Variants in RTL4 observed in about 807,000 individuals in gnomAD.
RTL4 encodes the protein retrotransposon Gag-like protein 4.
A neutral mutation model predicts 5.3 loss-of-function variants in RTL4; 4 were observed. The observed-to-expected ratio is 0.75, with a 90% CI of 0.37 to 1.72. RTL4 has a LOEUF of 1.72. Among genes scored for constraint, RTL4 ranks in the 40% most tolerant of loss-of-function variants. The pLI is 0.04. For missense variants in RTL4, 260 were observed against 227.1 expected (o/e 1.14, Z -0.93); for synonymous variants, 98 against 87.3 (o/e 1.12, Z -0.68).
chrX:112,217,904 C>A, the RTL4 span, among the ~76,000 whole-genome samples: 1 of 110,778 alleles, frequency 9.0e-6, no homozygotes, highest in Non-Finnish European at 1.9e-5. Context: ...AAATGGAAAT[C>A]AAAAAGATAA....
At chrX:112,376,820 G>A in the RTL4 span, among the ~76,000 whole-genome samples, 1 of 112,233 alleles carries the variant, frequency 8.9e-6, no homozygotes, top group Non-Finnish European at 1.9e-5. Context: ...TTTGCATTCG[G>A]TTGAACACAG....
chrX:112,414,663 C>T, the RTL4 span, among the ~76,000 whole-genome samples: 9 of 111,721 alleles, frequency 8.1e-5, no homozygotes, highest in African/African-American at 2.3e-4. Flanking sequence ...AATCCTAATT[C>T]TTCTCACTCT....
exon 1 of RTL4, chrX:112,454,664 G>A (rs1019095733): frequency 4.9e-6 from 5 of 1,011,663 alleles, no homozygotes; most frequent in Non-Finnish European, 5.3e-6. Context: ...CAAATCCACT[G>A]TCTCCATTGG....
At chrX:112,302,258 T>TAAAA in the RTL4 span, among the ~76,000 whole-genome samples, 150 of 83,551 alleles carry the variant, frequency 1.8e-3, 2 homozygotes, top group Non-Finnish European at 2.6e-3. Flanking sequence ...AAGACTCTGT[T>TAAAA]AAAAAAAAAA....
the RTL4 span, among the ~76,000 whole-genome samples, chrX:112,123,794 A>G: frequency 1.8e-5 from 2 of 111,874 alleles, no homozygotes; most frequent in Non-Finnish European, 3.8e-5. Flanking sequence ...CTTTATGACG[A>G]AAGCACCAAA....
the RTL4 span, among the ~76,000 whole-genome samples, chrX:112,409,229 A>G: frequency 2.7e-5 from 3 of 112,459 alleles, no homozygotes; most frequent in Admixed American, 9.4e-5. Context: ...GACATAAGCC[A>G]TACAATAAAA....
the RTL4 span, among the ~76,000 whole-genome samples, chrX:112,133,324 C>T: frequency 9.0e-6 from 1 of 111,656 alleles, no homozygotes; most frequent in African/African-American, 3.3e-5. Flanking sequence ...TTTGATATAC[C>T]AAGAATAATA....
At chrX:112,381,383 G>A in the RTL4 span, 188 of 1,205,624 alleles carry the variant, frequency 1.6e-4, no homozygotes, top group Middle Eastern at 1.4e-3. Context: ...AGAAAAGATA[G>A]TGGCGGAAAT....
At chrX:112,420,992 T>C in the RTL4 span, among the ~76,000 whole-genome samples, 2 of 111,466 alleles carry the variant, frequency 1.8e-5, no homozygotes, top group African/African-American at 3.3e-5. Context: ...GGCTTTCACC[T>C]TTTTTTTAAT....
the RTL4 span, among the ~76,000 whole-genome samples, chrX:112,123,258 C>T: frequency 0.023 from 2,601 of 112,215 alleles, 34 homozygotes; most frequent in Non-Finnish European, 0.035. Flanking sequence ...ATCTAACTTA[C>T]TGGCATGATT....
the RTL4 span, among the ~76,000 whole-genome samples, chrX:112,266,164 C>T: frequency 9.0e-6 from 1 of 110,765 alleles, no homozygotes. Context: ...ATTGGTTTCA[C>T]TTGCCATATA....
the RTL4 span, among the ~76,000 whole-genome samples, chrX:112,108,491 G>C: frequency 9.0e-6 from 1 of 111,727 alleles, no homozygotes; most frequent in Non-Finnish European, 1.9e-5. Context: ...TTCTCAGCAG[G>C]CTATCTGGTG....
At chrX:112,236,414 T>TATATCTATATATAGATATAGATCC in the RTL4 span, among the ~76,000 whole-genome samples, 1 of 59,307 alleles carries the variant, frequency 1.7e-5, no homozygotes, top group Admixed American at 1.8e-4. Flanking sequence ...GATATAGATC[T>TATATCTATATATAGATATAGATCC]ATATCTATAT....
the RTL4 span, among the ~76,000 whole-genome samples, chrX:112,138,483 A>C: frequency 8.9e-6 from 1 of 111,860 alleles, no homozygotes; most frequent in African/African-American, 3.2e-5. Flanking sequence ...AATAGATTGT[A>C]ATGATGGTTT....
chrX:112,372,686 T>C, the RTL4 span, among the ~76,000 whole-genome samples: 4 of 111,850 alleles, frequency 3.6e-5, no homozygotes, highest in African/African-American at 1.3e-4. Context: ...TTCCTGCTCT[T>C]CTACTTTGCC....
chrX:112,204,166 A>G, the RTL4 span, among the ~76,000 whole-genome samples: 1 of 112,820 alleles, frequency 8.9e-6, no homozygotes, highest in African/African-American at 3.2e-5. Flanking sequence ...ATCAAAAGAC[A>G]AGCAATAAGG....
At chrX:112,292,825 A>C in the RTL4 span, among the ~76,000 whole-genome samples, 1 of 111,885 alleles carries the variant, frequency 8.9e-6, no homozygotes, top group Admixed American at 9.5e-5. Flanking sequence ...TATGTATTAT[A>C]AAAATAACAT....
the RTL4 span, among the ~76,000 whole-genome samples, chrX:112,304,476 T>A: frequency 2.7e-5 from 3 of 110,590 alleles, no homozygotes; most frequent in Non-Finnish European, 3.8e-5. Flanking sequence ...TTAAAGGACC[T>A]GTTCCTGATG....
the RTL4 span, among the ~76,000 whole-genome samples, chrX:112,149,520 C>G: frequency 1.8e-5 from 2 of 111,257 alleles, no homozygotes; most frequent in East Asian, 5.7e-4. Flanking sequence ...ATAGGACAAG[C>G]ACAAAGGCCC....
Sources: gnomAD v4.1 joint callset for allele counts (sites outside exome capture counted in the v4.1 genomes callset) on GRCh38, gnomAD v4.1.1 for gene constraint, MANE v1.5 for transcripts, NCBI Gene and HGNC (gene_info 2026-07-23, HGNC 2026-07-21) for gene names.